The following PCLAF variants were observed in gnomAD, a reference collection of about 807,000 sequenced individuals.
PCLAF encodes PCNA clamp associated factor.
In PCLAF, 12 loss-of-function variants were observed where a neutral mutation model predicts 15.1. The ratio of observed to expected loss-of-function variants is 0.79; its 90% confidence interval spans 0.51 to 1.29. The LOEUF (loss-of-function observed/expected upper bound fraction) is 1.29. PCLAF is among the 50% of genes most tolerant of loss of function. PCLAF has a pLI of 0.00. For missense variants in PCLAF, 116 were observed against 130.9 expected, an observed-to-expected ratio of 0.89 and a Z score of 0.56; for synonymous variants, 33 against 47.1, an observed-to-expected ratio of 0.70 and a Z score of 1.22.
chr15:64,383,226 A>G (rs1403679841), upstream of PCLAF, among the ~76,000 whole-genome samples: 1 of 152,182 alleles, frequency 6.6e-6, no homozygotes, highest in Non-Finnish European at 1.5e-5. Context: ...TAGAAAATGT[A>G]TTGGCAATTA....
At chr15:64,373,584 C>G (rs373551393) in intron 3 of PCLAF, 1 of 1,440,688 alleles carries the variant, frequency 6.9e-7, no homozygotes, top group Non-Finnish European at 9.1e-7. Flanking sequence ...TTTGTGGTTT[C>G]GGCTGCAGTA....
chr15:64,383,939 A>G (rs945144111), upstream of PCLAF, among the ~76,000 whole-genome samples: 5 of 152,016 alleles, frequency 3.3e-5, no homozygotes, highest in African/African-American at 1.2e-4. Context: ...AATGCATGCT[A>G]GAGAAAAAAA....
Position 64,366,028 on chromosome 15 carries a change from T to C in PCLAF, c.*2A>G. On this transcript the variant is annotated 3_prime_UTR_variant, in exon 4 of 4. Transcript: ENST00000300035. ...CGTTATTCAAAGATGAATGAGAAAG[T>C]TCTATTCTTTTTCATCATTTGTGTG... 6.2e-7 allele frequency: 1 copy of C among 1,607,226 alleles called. No individual in the cohort carries two copies. The highest frequency in any genetic ancestry group is 8.5e-7 in the Non-Finnish European group (1 of 1,175,118).
chr15:64,387,512 CCT>C, exon 1 of PCLAF: 2 of 1,302,636 alleles, frequency 1.5e-6, no homozygotes, highest in Admixed American at 2.6e-5. Flanking sequence ...AAAAAGCTGG[CCT>C]CTCAGCTTTC....
At chr15:64,368,353 C>T (rs539523282) in intron 3 of PCLAF, among the ~76,000 whole-genome samples, 1 of 152,166 alleles carries the variant, frequency 6.6e-6, no homozygotes, top group African/African-American at 2.4e-5. Context: ...TTATCATTAA[C>T]TCAGTATTAG....
At chr15:64,373,719 G>A in intron 3 of PCLAF, 1 of 1,535,836 alleles carries the variant, frequency 6.5e-7, no homozygotes, top group Non-Finnish European at 8.7e-7. Flanking sequence ...AGTGTGCCGT[G>A]TGTCCAGCTT....
chr15:64,380,653 G>A (rs879280589), intron 2 of PCLAF, among the ~76,000 whole-genome samples: 11 of 152,084 alleles, frequency 7.2e-5, no homozygotes, highest in Admixed American at 7.2e-4. Flanking sequence ...GTAGTGACCA[G>A]TGATTGCACC....
intron 3 of PCLAF, chr15:64,373,584 C>T (rs373551393): frequency 1.1e-5 from 16 of 1,440,570 alleles, no homozygotes; most frequent in East Asian, 7.8e-5. Flanking sequence ...TTTGTGGTTT[C>T]GGCTGCAGTA....
intron 3 of PCLAF, among the ~76,000 whole-genome samples, chr15:64,366,955 A>G (rs902953583): frequency 1.3e-5 from 2 of 151,682 alleles, no homozygotes; most frequent in African/African-American, 2.4e-5. Flanking sequence ...CCTCGGGGAC[A>G]GAGAGCCTGT....
At chr15:64,370,844 T>G (rs1451617226) in intron 3 of PCLAF, among the ~76,000 whole-genome samples, 16 of 150,836 alleles carry the variant, frequency 1.1e-4, no homozygotes, top group South Asian at 2.1e-4. Context: ...TTTTTTTTTT[T>G]TTTTTTTTTT....
intron 3 of PCLAF, among the ~76,000 whole-genome samples, chr15:64,367,681 G>C (rs1246610953): frequency 6.6e-6 from 1 of 151,548 alleles, no homozygotes; most frequent in South Asian, 2.1e-4. Context: ...CCAAGTAGCT[G>C]GGATTACAGA....
chr15:64,384,903 C>T (rs1039419815), upstream of PCLAF, among the ~76,000 whole-genome samples: 4 of 151,966 alleles, frequency 2.6e-5, no homozygotes, highest in Middle Eastern at 6.8e-3. Context: ...GAAAAGAATG[C>T]CTTTTTCTTT....
chr15:64,377,457 C>T (rs1336367072), intron 2 of PCLAF, among the ~76,000 whole-genome samples: 4 of 86,152 alleles, frequency 4.6e-5, no homozygotes, highest in Admixed American at 3.7e-4. Context: ...GGCAACAGAG[C>T]GAGACTCTGT....
chr15:64,371,475 A>G (rs1020793525), intron 3 of PCLAF, among the ~76,000 whole-genome samples: 1 of 152,150 alleles, frequency 6.6e-6, no homozygotes, highest in East Asian at 1.9e-4. Flanking sequence ...CATTTTGGCC[A>G]GGTTAGTCTC....
upstream of PCLAF, among the ~76,000 whole-genome samples, chr15:64,385,992 A>G (rs1449567438): frequency 6.6e-6 from 1 of 152,086 alleles, no homozygotes; most frequent in East Asian, 1.9e-4. Flanking sequence ...GGGTCTTTTC[A>G]GTCTCCATAA....
intron 3 of PCLAF, among the ~76,000 whole-genome samples, chr15:64,368,070 G>C (rs1211073730): frequency 6.6e-6 from 1 of 151,826 alleles, no homozygotes; most frequent in African/African-American, 2.4e-5. Context: ...GGCCCGGCGC[G>C]GTGGCTCATG....
At position 64,369,743 on chromosome 15, in the gene PCLAF, T is replaced by C. The variant is rs533503301; in HGVS notation, c.291-3668A>G. Among the ~76,000 whole-genome samples the C allele has an allele frequency of 3.3e-5, 5 of 152,244 alleles. No individual in the cohort carries two copies. The East Asian group carries it at 5.8e-4, about 18-fold the overall frequency. On this transcript the variant is annotated intron_variant, in intron 3 of 3. Transcript: ENST00000300035. Reference sequence around the variant, plus strand: ...TTTTTGTAATGAATAATTCTCAATATTTTATATGCTTTCATATGTCAAATA... The same window carrying C: ...TTTTTGTAATGAATAATTCTCAATACTTTATATGCTTTCATATGTCAAATA...
chr15:64,376,399 T>G (rs1310486095), intron 3 of PCLAF, among the ~76,000 whole-genome samples: 1 of 152,146 alleles, frequency 6.6e-6, no homozygotes, highest in East Asian at 1.9e-4. Context: ...AATTTTTTAT[T>G]TGAGACAGAG....
intron 3 of PCLAF, among the ~76,000 whole-genome samples, chr15:64,375,306 A>T (rs57813820): frequency 6.6e-6 from 1 of 151,942 alleles, no homozygotes; most frequent in South Asian, 2.1e-4. Flanking sequence ...TTGTATTTTT[A>T]GTAGAGACGG....
Sources: gnomAD v4.1 joint callset for allele counts (sites outside exome capture counted in the v4.1 genomes callset) on GRCh38, gnomAD v4.1.1 for gene constraint, MANE v1.5 for transcripts, NCBI Gene and HGNC (gene_info 2026-07-23, HGNC 2026-07-21) for gene names.